Variants in CDH12 observed in about 807,000 individuals in gnomAD.
CDH12 encodes cadherin-12.
In CDH12, 41 loss-of-function variants were observed where a neutral mutation model predicts 74.1. The ratio of observed to expected loss-of-function variants is 0.55; its 90% CI spans 0.43 to 0.72. The LOEUF is 0.72. Ranked by LOEUF, CDH12 falls within the 30% of genes least tolerant of loss-of-function variation. The pLI is 0.00. For missense variants in CDH12, 945 were observed against 977.2 expected, an observed-to-expected ratio of 0.97 and a Z score of 0.44; for synonymous variants, 399 against 355.0, an observed-to-expected ratio of 1.12 and a Z score of -1.39.
At chr5:22,266,145 G>A (rs942257071) in intron 3 of CDH12, among the ~76,000 whole-genome samples, 3 of 151,264 alleles carry the variant, frequency 2.0e-5, no homozygotes, top group Non-Finnish European at 4.4e-5. Context: ...GCACAATCTC[G>A]GCTCACTACA....
intron 5 of CDH12, among the ~76,000 whole-genome samples, chr5:22,000,624 G>C (rs1216557847): frequency 2.6e-5 from 4 of 152,144 alleles, no homozygotes; most frequent in Non-Finnish European, 4.4e-5. Context: ...CACTTAGAAA[G>C]TGTGTATTGC....
At chr5:22,336,187 C>T (rs1392713833) in intron 3 of CDH12, among the ~76,000 whole-genome samples, 1 of 152,126 alleles carries the variant, frequency 6.6e-6, no homozygotes, top group East Asian at 1.9e-4. Context: ...TGATGAAATT[C>T]CTAAGCAGCA....
chr5:22,285,410 A>G, intron 3 of CDH12, among the ~76,000 whole-genome samples: 1 of 152,130 alleles, frequency 6.6e-6, no homozygotes, highest in East Asian at 1.9e-4. Context: ...AGACATGGAT[A>G]TTTATCATAT....
chr5:22,663,407 A>G (rs1188053124), intron 1 of CDH12, among the ~76,000 whole-genome samples: 1 of 152,198 alleles, frequency 6.6e-6, no homozygotes, highest in African/African-American at 2.4e-5. Context: ...GGAGTGATGG[A>G]AAACCGTTTA....
At chr5:22,664,034 G>A (rs1317430800) in intron 1 of CDH12, among the ~76,000 whole-genome samples, 1 of 151,988 alleles carries the variant, frequency 6.6e-6, no homozygotes, top group Non-Finnish European at 1.5e-5. Context: ...TTATTATGCA[G>A]ATTACCGTGT....
intron 1 of CDH12, among the ~76,000 whole-genome samples, chr5:22,654,320 G>A (rs906057303): frequency 4.1e-5 from 6 of 145,382 alleles, no homozygotes; most frequent in Non-Finnish European, 9.0e-5. Flanking sequence ...ACAGAGTCTC[G>A]CTCTTGTCAC....
intron 5 of CDH12, among the ~76,000 whole-genome samples, chr5:22,017,325 C>A (rs2150157816): frequency 6.6e-6 from 1 of 152,150 alleles, no homozygotes; most frequent in East Asian, 1.9e-4. Context: ...CTGGGAAAAT[C>A]AAACTGTTGC....
chr5:22,534,360 CT>C (rs1206752528), intron 1 of CDH12, among the ~76,000 whole-genome samples: 1 of 152,166 alleles, frequency 6.6e-6, no homozygotes, highest in South Asian at 2.1e-4. Flanking sequence ...CCTTCCCACA[CT>C]TCCCCTGAGT....
At chr5:22,005,325 G>A (rs551015240) in intron 5 of CDH12, among the ~76,000 whole-genome samples, 9 of 152,318 alleles carry the variant, frequency 5.9e-5, no homozygotes, top group South Asian at 2.1e-4. Context: ...TTACAGGCAT[G>A]AGCCACTGTG....
chr5:21,977,479 T>C (rs1195872417), intron 5 of CDH12, among the ~76,000 whole-genome samples: 1 of 152,136 alleles, frequency 6.6e-6, no homozygotes, highest in Non-Finnish European at 1.5e-5. Context: ...ATAAAATGGA[T>C]CCATTTTGCC....
chr5:22,698,042 C>A (rs1035806191), intron 1 of CDH12, among the ~76,000 whole-genome samples: 1 of 150,532 alleles, frequency 6.6e-6, no homozygotes, highest in Non-Finnish European at 1.5e-5. Flanking sequence ...GCAGCCTGAG[C>A]TAATACAATT....
intron 2 of CDH12, among the ~76,000 whole-genome samples, chr5:22,458,576 G>A (rs935517158): frequency 5.3e-5 from 8 of 152,106 alleles, no homozygotes; most frequent in African/African-American, 1.9e-4. Context: ...AACAATTGGG[G>A]ATTTCATTAT....
chr5:22,050,075 T>C (rs1285986025), intron 5 of CDH12, among the ~76,000 whole-genome samples: 2 of 152,158 alleles, frequency 1.3e-5, no homozygotes, highest in African/African-American at 4.8e-5. Flanking sequence ...AATTTTTAAA[T>C]TGTGCTTCTT....
chr5:22,663,184 A>G (rs1490907690), intron 1 of CDH12, among the ~76,000 whole-genome samples: 1 of 107,208 alleles, frequency 9.3e-6, no homozygotes, highest in Non-Finnish European at 2.3e-5. Context: ...TTAAACTATG[A>G]GAACCAGTTA....
At chr5:22,835,669 T>C (rs1165673595) in intron 1 of CDH12, among the ~76,000 whole-genome samples, 1 of 152,188 alleles carries the variant, frequency 6.6e-6, no homozygotes, top group Non-Finnish European at 1.5e-5. Flanking sequence ...TCACTCAGCA[T>C]TAGAATCCTC....
At chr5:22,144,934 C>T (rs562260400) in intron 4 of CDH12, among the ~76,000 whole-genome samples, 1 of 152,036 alleles carries the variant, frequency 6.6e-6, no homozygotes, top group Non-Finnish European at 1.5e-5. Flanking sequence ...CAGATTTCGG[C>T]AATGTTGTAG....
At chr5:22,292,546 C>T (rs569345795) in intron 3 of CDH12, among the ~76,000 whole-genome samples, 1 of 151,810 alleles carries the variant, frequency 6.6e-6, no homozygotes, top group South Asian at 2.1e-4. Context: ...CTCAATAGCA[C>T]AAACAAAACA....
intron 3 of CDH12, among the ~76,000 whole-genome samples, chr5:22,293,619 T>TAC (rs1224032938): frequency 1.1e-4 from 16 of 151,644 alleles, no homozygotes; most frequent in African/African-American, 3.9e-4. Context: ...CACATATACA[T>TAC]ATACACACAC....
intron 3 of CDH12, among the ~76,000 whole-genome samples, chr5:22,395,769 C>G (rs1206280701): frequency 6.6e-6 from 1 of 151,992 alleles, no homozygotes; most frequent in Non-Finnish European, 1.5e-5. Flanking sequence ...TGATATGGAG[C>G]TGTATGAAGT....
Sources: gnomAD v4.1 joint callset for allele counts (sites outside exome capture counted in the v4.1 genomes callset) on GRCh38, gnomAD v4.1.1 for gene constraint, MANE v1.5 for transcripts, NCBI Gene and HGNC (gene_info 2026-07-23, HGNC 2026-07-21) for gene names.